MDM1: variants seen among roughly 807,000 people sequenced by gnomAD.
MDM1 encodes stabilizer of axonemal microtubules 6.
In MDM1, 61 loss-of-function variants were observed where a neutral mutation model predicts 89.1. That is an observed-to-expected ratio of 0.68 (90% CI 0.56 to 0.85). The LOEUF is 0.85. Ranked by LOEUF, MDM1 falls within the 40% of genes least tolerant of loss-of-function variation. The probability of loss-of-function intolerance (pLI) is 0.00; values close to 1 mark genes in which losing one functional copy is unlikely to be tolerated. For missense variants in MDM1, 820 were observed against 846.5 expected (o/e 0.97, Z 0.39); for synonymous variants, 290 against 294.1 (o/e 0.99, Z 0.14).
chr12:68,314,828 A>C, intron 10 of MDM1, 120 bp downstream of exon 10: 1 of 878,144 alleles, frequency 1.1e-6, no homozygotes, highest in Non-Finnish European at 1.8e-6. Context: ...GTGACATTGA[A>C]ATAAAATCTG....
At chr12:68,327,663 T>G (rs1054387896) in intron 2 of MDM1, among the ~76,000 whole-genome samples, 1 of 152,128 alleles carries the variant, frequency 6.6e-6, no homozygotes, top group African/African-American at 2.4e-5. Context: ...TGCCCTAGTT[T>G]AGGGCCATTC....
chr12:68,298,047 A>G (rs1251900546), intron 13 of MDM1, among the ~76,000 whole-genome samples: 2 of 152,102 alleles, frequency 1.3e-5, no homozygotes, highest in Admixed American at 1.3e-4. Flanking sequence ...TCCCCTGGGC[A>G]ACACAGGGAA....
chr12:68,296,193 A>T (rs1379875089), intron 14 of MDM1, among the ~76,000 whole-genome samples: 1 of 152,210 alleles, frequency 6.6e-6, no homozygotes, highest in East Asian at 1.9e-4. Context: ...ATAAGCAAAT[A>T]AATGTCAGAA....
intron 1 of MDM1, 77 bp downstream of exon 1, chr12:68,332,151 G>T: frequency 6.7e-7 from 1 of 1,502,202 alleles, no homozygotes; most frequent in South Asian, 1.3e-5. Flanking sequence ...CAGAAAAGCA[G>T]CGTGACCTCG....
At chr12:68,304,592 T>C (rs1211891516) in intron 12 of MDM1, among the ~76,000 whole-genome samples, 25 of 152,230 alleles carry the variant, frequency 1.6e-4, no homozygotes, top group Admixed American at 1.6e-3. Flanking sequence ...TGTTCTTTTT[T>C]TTTCCTTTTT....
At chr12:68,312,193 A>C (rs988725937) in intron 12 of MDM1, among the ~76,000 whole-genome samples, 2 of 152,126 alleles carry the variant, frequency 1.3e-5, no homozygotes, top group Admixed American at 6.5e-5. Flanking sequence ...AAAGAGCCTC[A>C]AATCTGTACC....
intron 12 of MDM1, among the ~76,000 whole-genome samples, chr12:68,303,390 C>T (rs1398834307): frequency 6.6e-6 from 1 of 152,018 alleles, no homozygotes; most frequent in Non-Finnish European, 1.5e-5. Flanking sequence ...AAACTGGCAA[C>T]CTCATAGACT....
At position 68,322,915 on chromosome 12, in the gene MDM1, G is replaced by A. The variant is rs115682008; in HGVS notation, c.801+158C>T. 1.6e-3 allele frequency among the ~76,000 whole-genome samples: 244 copies of A among 152,262 alleles called. 1 individual carries two copies. Among genetic ancestry groups the A allele is most frequent in the African/African-American group, 5.3e-3 (222 of 41,554 alleles). ...CCTTGTATTCTCAGTACCAACCCAT[G>A]TCTGCTCCTAGTAGCTGGCTCAATG... On this transcript the variant is annotated intron_variant, in intron 5 of 14. Transcript: ENST00000682720.
At chr12:68,302,947 T>C in intron 12 of MDM1, 75 bp from the exon 13 acceptor site, 1 of 1,335,796 alleles carries the variant, frequency 7.5e-7, no homozygotes, top group Non-Finnish European at 9.9e-7. Context: ...AACATTTAAA[T>C]GCAAAAAACA....
chr12:68,306,407 T>C (rs1872895224), intron 12 of MDM1, among the ~76,000 whole-genome samples: 1 of 151,846 alleles, frequency 6.6e-6, no homozygotes, highest in Non-Finnish European at 1.5e-5. Context: ...AAAAACAAAT[T>C]GACAATTGGG....
rs1565766684 is a variant in MDM1, at chr12:68,302,880, A to AC, written c.1750-9dup. The AC allele has an allele frequency of 2.5e-6, 3 of 1,213,938 alleles. No individual in the cohort carries two copies. The highest frequency in any genetic ancestry group is 2.6e-5 in the South Asian group (1 of 37,948). 75.2% of individuals were successfully genotyped at this position (1,213,938 alleles called of 1,614,324 possible). ...TACAGCACGACTTTCTTTCTAAATGACAAAAAAAAAAAAAAAAAAAAGATG... is the reference window on the plus strand; with the variant it reads ...TACAGCACGACTTTCTTTCTAAATGACCAAAAAAAAAAAAAAAAAAAAGATG... On this transcript the variant is annotated splice_polypyrimidine_tract_variant and intron_variant, in intron 12 of 14. Coordinates refer to ENST00000682720, the MANE Select transcript of MDM1 (RefSeq NM_001354969.2).
chr12:68,328,988 C>T (rs1363933535), intron 2 of MDM1, among the ~76,000 whole-genome samples: 1 of 152,192 alleles, frequency 6.6e-6, no homozygotes, highest in African/African-American at 2.4e-5. Context: ...GGTCTCATTT[C>T]ATCACCTTCC....
intron 4 of MDM1, chr12:68,324,871 A>T: frequency 5.2e-6 from 2 of 383,140 alleles, no homozygotes; most frequent in Non-Finnish European, 7.1e-6. Flanking sequence ...ATGGTATCTC[A>T]ATACTAAAAT....
chr12:68,316,428 A>C (rs1348229544), intron 8 of MDM1, 153 bp downstream of exon 8: 2 of 933,854 alleles, frequency 2.1e-6, no homozygotes, highest in Non-Finnish European at 3.2e-6. Context: ...AAAACAATCA[A>C]GCTAAAGCAT....
At chr12:68,310,628 C>G (rs1442105139) in intron 12 of MDM1, among the ~76,000 whole-genome samples, 1 of 152,138 alleles carries the variant, frequency 6.6e-6, no homozygotes, top group Non-Finnish European at 1.5e-5. Context: ...TATACATAAG[C>G]AACAGGAAAT....
chr12:68,307,005 C>T lies in MDM1; in HGVS notation c.1750-4133G>A, dbSNP rs944132681. 7.9e-5 allele frequency among the ~76,000 whole-genome samples: 12 copies of T among 152,230 alleles called. No homozygotes were observed. The South Asian group carries it at 2.3e-3, about 29-fold the overall frequency. On this transcript the variant is annotated intron_variant, in intron 12 of 14. Transcript: ENST00000682720. ...TACATATACACACCATAGAATACTG[C>T]GCAGCCATAAGAAAGAATGAAATCA... is the stretch of plus-strand genomic sequence containing the variant.
chr12:68,302,556 A>G, intron 13 of MDM1, 64 bp downstream of exon 13: 8 of 1,367,728 alleles, frequency 5.8e-6, no homozygotes, highest in Middle Eastern at 1.9e-4. Flanking sequence ...GCATTCTTAG[A>G]CTTTGTACCT....
intron 5 of MDM1, among the ~76,000 whole-genome samples, 168 bp from the exon 6 acceptor site, chr12:68,321,796 A>G (rs1875270029): frequency 6.6e-6 from 1 of 152,212 alleles, no homozygotes; most frequent in African/African-American, 2.4e-5. Flanking sequence ...AAGTTTTGAA[A>G]TTTTTAGTAT....
chr12:68,330,803 G>C, intron 2 of MDM1: 1 of 298,534 alleles, frequency 3.3e-6, no homozygotes, highest in Non-Finnish European at 6.3e-6. Context: ...TTGTGTAAGG[G>C]CACTGGCTTT....
Sources: gnomAD v4.1 joint callset for allele counts (sites outside exome capture counted in the v4.1 genomes callset) on GRCh38, gnomAD v4.1.1 for gene constraint, MANE v1.5 for transcripts, NCBI Gene and HGNC (gene_info 2026-07-23, HGNC 2026-07-21) for gene names.